FRY: variants seen among roughly 807,000 people sequenced by gnomAD.
FRY encodes protein furry homolog.
Under a neutral mutation model 348.4 loss-of-function variants are expected in FRY, and 128 were observed. The ratio of observed to expected loss-of-function variants is 0.37; its 90% confidence interval spans 0.32 to 0.43. The LOEUF (loss-of-function observed/expected upper bound fraction) is 0.43. FRY is among the 20% of genes least tolerant of loss of function. The pLI, the probability that FRY is intolerant of heterozygous loss-of-function variation, is 1.00. For missense variants in FRY, 2,736 were observed against 3,695.2 expected, an observed-to-expected ratio of 0.74 and a Z score of 6.73; for synonymous variants, 1,370 against 1,374.7, an observed-to-expected ratio of 1.00 and a Z score of 0.08.
intron 31 of FRY, among the ~76,000 whole-genome samples, chr13:32,205,079 T>C (rs1307139509): frequency 1.3e-5 from 2 of 152,014 alleles, no homozygotes; most frequent in African/African-American, 4.8e-5. Context: ...GGCACATGCC[T>C]GTAGTCCCAG....
intron 55 of FRY, among the ~76,000 whole-genome samples, chr13:32,268,505 A>AAAAAAAAAAAAATATAT (rs1555273232): frequency 3.5e-5 from 1 of 28,306 alleles, no homozygotes; most frequent in African/African-American, 9.3e-5. Context: ...AAAAAAAAAA[A>AAAAAAAAAAAAATATAT]ATATATATAT....
At chr13:32,258,518 C>T (rs1887454014) in intron 51 of FRY, among the ~76,000 whole-genome samples, 1 of 151,764 alleles carries the variant, frequency 6.6e-6, no homozygotes, top group African/African-American at 2.4e-5. Flanking sequence ...GAGGCTGAGG[C>T]AGGAGAATCC....
chr13:32,196,817 C>T (rs191902528), intron 29 of FRY, among the ~76,000 whole-genome samples: 279 of 152,230 alleles, frequency 1.8e-3, no homozygotes, highest in African/African-American at 6.5e-3. Flanking sequence ...AGATACAGCT[C>T]ACTACTATAA....
In FRY at chr13:32,212,419, G is replaced by A. The variant is rs1301747768; in HGVS notation, c.4682+37G>A. On this transcript the variant is annotated intron_variant, in intron 35 of 60. Transcript: ENST00000542859. ...AATTTGACTTAATATCCAGTGTAAT[G>A]TTCTGCAATAATCTATACATAGACA... 5.8e-6 allele frequency: 7 copies of A among 1,200,082 alleles called. No individual in the cohort carries two copies. In the East Asian group the frequency reaches 1.5e-4, roughly 25 times the overall value. 74.3% of individuals were successfully genotyped at this position (1,200,082 alleles called of 1,614,324 possible).
intron 28 of FRY, among the ~76,000 whole-genome samples, chr13:32,188,589 G>A (rs1235690128): frequency 6.6e-6 from 1 of 152,076 alleles, no homozygotes; most frequent in African/African-American, 2.4e-5. Flanking sequence ...AGATGTCATT[G>A]CTCTTTAGCC....
rs774371749 is a variant in FRY at position 32,149,845 on chromosome 13, T to C, written c.1479+11T>C. On this transcript the variant is annotated intron_variant, in intron 14 of 60. Coordinates refer to ENST00000542859, the MANE Select transcript of FRY (RefSeq NM_023037.3). Reference sequence around the variant, plus strand: ...AGTCTCAACCCAGAGGTATGAATGATCCTTTTATGTACTTCTAACAGAGCA... The same window carrying C: ...AGTCTCAACCCAGAGGTATGAATGACCCTTTTATGTACTTCTAACAGAGCA... 2.0e-6 allele frequency: 3 copies of C among 1,513,420 alleles called. No individual in the cohort carries two copies. The highest frequency in any genetic ancestry group is 3.3e-5 in the Admixed American group (2 of 59,922). The allele number at this position is 1,513,420 out of a possible 1,614,324, so 93.7% of individuals were successfully genotyped here. A position where few individuals can be genotyped will look rare whatever the true frequency, so the allele number is the denominator to read the frequency against.
chr13:32,254,685 G>C, intron 51 of FRY, among the ~76,000 whole-genome samples: 1 of 151,742 alleles, frequency 6.6e-6, no homozygotes, highest in Admixed American at 6.6e-5. Flanking sequence ...TCCCAAGCTG[G>C]ACTTAAAAAA....
chr13:32,203,434 G>A (rs1332859890), intron 31 of FRY, among the ~76,000 whole-genome samples: 1 of 152,142 alleles, frequency 6.6e-6, no homozygotes, highest in African/African-American at 2.4e-5. Flanking sequence ...CTAAAGAATT[G>A]CATTTGTCAG....
chr13:32,079,076 G>A, intron 2 of FRY, 43 bp downstream of exon 2: 2 of 1,268,712 alleles, frequency 1.6e-6, no homozygotes, highest in Admixed American at 1.7e-5. Context: ...AAATTCATCT[G>A]TATGCTGAAT....
chr13:32,071,424 T>C (rs958331974), intron 1 of FRY, among the ~76,000 whole-genome samples: 1 of 152,228 alleles, frequency 6.6e-6, no homozygotes, highest in Non-Finnish European at 1.5e-5. Flanking sequence ...GAAGAGGTCC[T>C]TCACATCCCT....
intron 1 of FRY, among the ~76,000 whole-genome samples, chr13:32,066,092 A>G (rs1415158058): frequency 6.6e-6 from 1 of 152,216 alleles, no homozygotes; most frequent in Non-Finnish European, 1.5e-5. Flanking sequence ...CAAGTTTTTT[A>G]TAATCCTAAA....
At position 32,085,936 on chromosome 13, in the gene FRY, C is replaced by T. The variant is rs374534390; in HGVS notation, c.270+6903C>T. ...TGCTTTGGGAGATGACAGAGGCAAA[C>T]AAAGTACTTAAGAGAAGACAACACC... On this transcript the variant is annotated intron_variant, in intron 2 of 60. Coordinates refer to ENST00000542859, the MANE Select transcript of FRY (RefSeq NM_023037.3). The T allele has an allele frequency of 3.9e-5, 20 of 518,954 alleles. No individual in the cohort carries two copies. The East Asian group carries it at 9.3e-4, about 24-fold the overall frequency. The allele number at this position is 518,954 out of a possible 1,614,324, so 32.1% of individuals were successfully genotyped here. A position where few individuals can be genotyped will look rare whatever the true frequency, so the allele number is the denominator to read the frequency against.
In FRY at chr13:32,060,932, CTG is replaced by C. The variant is rs1312355714; in HGVS notation, c.71-17901_71-17900del. 14 of 373,798 alleles carry C rather than the reference CTG, an allele frequency of 3.7e-5. No individual in the cohort carries two copies. In the East Asian group the frequency reaches 1.0e-3, roughly 27 times the overall value. 23.2% of individuals were successfully genotyped at this position (373,798 alleles called of 1,614,324 possible). Reference sequence around the variant, plus strand: ...GTCTTCTACTGTAGGTCTTTAGCACCTGACTAAAAATACACCTGGGGCCAAAA... The same window carrying C: ...GTCTTCTACTGTAGGTCTTTAGCACCACTAAAAATACACCTGGGGCCAAAA... On this transcript the variant is annotated intron_variant, in intron 1 of 60. Coordinates refer to ENST00000542859, the MANE Select transcript of FRY (RefSeq NM_023037.3).
At chr13:32,241,281 A>G (rs2138470730) in intron 46 of FRY, among the ~76,000 whole-genome samples, 1 of 152,210 alleles carries the variant, frequency 6.6e-6, no homozygotes, top group East Asian at 1.9e-4. Context: ...AAGTTTCAAA[A>G]ATGCAAATTG....
rs1878386569 is a variant in FRY, at chr13:32,117,660, A to G, written c.464+187A>G. On this transcript the variant is annotated intron_variant, in intron 4 of 60. Transcript: ENST00000542859. The stretch of plus-strand genomic sequence containing the variant: ...GAGCACCGAGTCACTGCCAGCCGTC[A>G]CGGGTTGAAAATTCATACACAGCTT... Among the ~76,000 whole-genome samples, 6 of 152,176 alleles carry G rather than the reference A, an allele frequency of 3.9e-5. No homozygotes were observed. In the South Asian group the frequency reaches 1.2e-3, roughly 32 times the overall value.
rs755558927 is a variant in FRY, at chr13:32,191,203, A to G, written c.3592-2940A>G. ...TGTAGATCTAAATGTAACAGCTAAA[A>G]TAATAGTCTCTAGAAAAGAATCCAG... On this transcript the variant is annotated intron_variant, in intron 28 of 60. Coordinates refer to ENST00000542859, the MANE Select transcript of FRY (RefSeq NM_023037.3). 5.3e-5 allele frequency among the ~76,000 whole-genome samples: 8 copies of G among 152,326 alleles called. No homozygotes were observed. The South Asian group carries it at 1.4e-3, about 28-fold the overall frequency.
intron 38 of FRY, 146 bp downstream of exon 38, chr13:32,225,182 C>T (rs1885518252): frequency 4.3e-6 from 3 of 697,466 alleles, no homozygotes; most frequent in Non-Finnish European, 7.9e-6. Flanking sequence ...CCTTTTGTGA[C>T]ATCTGCTCTG....
chr13:32,186,737 G>A (rs810134), intron 27 of FRY, among the ~76,000 whole-genome samples: 116,480 of 152,086 alleles, frequency 0.77, 44,835 homozygotes, highest in East Asian at 0.98. Flanking sequence ...TACCCAGAGC[G>A]ACATTCCCTT....
intron 22 of FRY, 123 bp downstream of exon 22, chr13:32,179,156 C>A (rs1882547114): frequency 5.6e-6 from 4 of 716,170 alleles, no homozygotes; most frequent in South Asian, 3.3e-5. Context: ...AGATTTTCAT[C>A]CTACACATTT....
Sources: allele counts gnomAD v4.1 joint callset (sites outside exome capture counted in the v4.1 genomes callset), GRCh38; gene constraint gnomAD v4.1.1; transcripts MANE v1.5; gene names NCBI Gene and HGNC (gene_info 2026-07-23, HGNC 2026-07-21).